The following ZBTB20 variants were observed in gnomAD, a reference collection of about 807,000 sequenced individuals.
ZBTB20 encodes zinc finger and BTB domain-containing protein 20.
In ZBTB20, 9 loss-of-function variants were observed where a neutral mutation model predicts 56.9. That is an observed-to-expected ratio of 0.16 (90% CI 0.10 to 0.28). The LOEUF is 0.28. Among genes scored for constraint, ZBTB20 ranks in the 10% least tolerant of loss-of-function variants. The probability of loss-of-function intolerance (pLI) is 1.00; values close to 1 mark genes in which losing one functional copy is unlikely to be tolerated. For missense variants in ZBTB20, 655 were observed against 1,003.0 expected (o/e 0.65, Z 4.69); for synonymous variants, 417 against 420.7 (o/e 0.99, Z 0.11).
At position 114,766,676 on chromosome 3, in the gene ZBTB20, G is replaced by C. The variant is rs142772818; in HGVS notation, c.-343+34425C>G. On this transcript the variant is annotated intron_variant, in intron 5 of 11. Transcript: ENST00000675478. ...TGAAGTTTGTTTGCTCTGTTAAATA[G>C]CTTTAAAATTCTACCCCTACTAATT... 6.6e-3 allele frequency among the ~76,000 whole-genome samples: 1,007 copies of C among 152,000 alleles called. 3 individuals are homozygous for C. The highest frequency in any genetic ancestry group is 0.015 in the South Asian group (72 of 4,810).
At chr3:115,141,850 A>G (rs1339933612) in intron 1 of ZBTB20, among the ~76,000 whole-genome samples, 1 of 152,192 alleles carries the variant, frequency 6.6e-6, no homozygotes, top group African/African-American at 2.4e-5. Flanking sequence ...AAATATGAAT[A>G]TTAATAAACT....
At chr3:114,509,215 C>A (rs1370639502) in intron 6 of ZBTB20, among the ~76,000 whole-genome samples, 2 of 152,214 alleles carry the variant, frequency 1.3e-5, no homozygotes, top group South Asian at 4.1e-4. Context: ...GAAACAAATG[C>A]GGCTGAGACT....
intron 7 of ZBTB20, among the ~76,000 whole-genome samples, chr3:114,429,481 AT>A (rs2089959950): frequency 6.6e-6 from 1 of 152,172 alleles, no homozygotes; most frequent in Admixed American, 6.5e-5. Context: ...CCTAAATTCA[AT>A]GCCCTAACTC....
intron 5 of ZBTB20, among the ~76,000 whole-genome samples, chr3:114,735,762 A>G (rs916454476): frequency 6.6e-6 from 1 of 152,130 alleles, no homozygotes; most frequent in African/African-American, 2.4e-5. Flanking sequence ...TTTATTTTTC[A>G]ATCAAAATAT....
intron 6 of ZBTB20, among the ~76,000 whole-genome samples, chr3:114,689,197 C>A (rs2062547220): frequency 6.6e-6 from 1 of 152,126 alleles, no homozygotes; most frequent in Non-Finnish European, 1.5e-5. Context: ...ACGGTAATGT[C>A]ATAAATCCCA....
intron 1 of ZBTB20, among the ~76,000 whole-genome samples, chr3:115,090,582 G>A (rs1288587139): frequency 6.6e-6 from 1 of 151,704 alleles, no homozygotes; most frequent in Non-Finnish European, 1.5e-5. Flanking sequence ...TATCACCTAG[G>A]AAACACCATG....
At chr3:114,694,723 C>T (rs941515741) in intron 5 of ZBTB20, among the ~76,000 whole-genome samples, 2 of 152,066 alleles carry the variant, frequency 1.3e-5, no homozygotes, top group East Asian at 3.9e-4. Flanking sequence ...GCATATGAAA[C>T]TTAATGAGGA....
chr3:114,723,382 G>A (rs1057176259), intron 5 of ZBTB20, among the ~76,000 whole-genome samples: 2 of 152,154 alleles, frequency 1.3e-5, no homozygotes, highest in Non-Finnish European at 1.5e-5. Flanking sequence ...GATGGCCCAA[G>A]CGACAGCTTT....
chr3:114,520,193 T>TC (rs771865937), intron 6 of ZBTB20: 4 of 152,276 alleles, frequency 2.6e-5, no homozygotes, highest in Non-Finnish European at 5.9e-5. Flanking sequence ...GACTTCTCTC[T>TC]CACTGTTTAA....
intron 10 of ZBTB20, among the ~76,000 whole-genome samples, chr3:114,374,472 T>C (rs916520391): frequency 2.0e-5 from 3 of 152,208 alleles, no homozygotes; most frequent in Admixed American, 2.0e-4. Flanking sequence ...CTCTGCAAAT[T>C]AGTGTGACCC....
intron 7 of ZBTB20, among the ~76,000 whole-genome samples, chr3:114,449,271 T>TG (rs1210627038): frequency 1.3e-5 from 2 of 152,194 alleles, no homozygotes; most frequent in African/African-American, 4.8e-5. Context: ...AGTTCAGTTC[T>TG]GTGTCAAGGA....
At chr3:114,456,470 C>A (rs565549004) in intron 7 of ZBTB20, among the ~76,000 whole-genome samples, 1 of 152,062 alleles carries the variant, frequency 6.6e-6, no homozygotes, top group African/African-American at 2.4e-5. Context: ...TCATACACCT[C>A]GTTTCTAAAA....
At chr3:115,135,666 T>A (rs1466217468) in intron 1 of ZBTB20, among the ~76,000 whole-genome samples, 1 of 152,182 alleles carries the variant, frequency 6.6e-6, no homozygotes, top group Non-Finnish European at 1.5e-5. Flanking sequence ...TGAAAAAGTA[T>A]GTCAGCTATT....
chr3:114,725,469 G>A (rs2065205519), intron 5 of ZBTB20, among the ~76,000 whole-genome samples: 1 of 152,130 alleles, frequency 6.6e-6, no homozygotes, highest in Non-Finnish European at 1.5e-5. Flanking sequence ...TCCTCTAAAT[G>A]CATTGTAGAA....
chr3:114,511,304 A>G (rs778461828), intron 6 of ZBTB20, among the ~76,000 whole-genome samples: 9 of 152,170 alleles, frequency 5.9e-5, no homozygotes, highest in Non-Finnish European at 1.2e-4. Flanking sequence ...CTTTCAAAAG[A>G]ATCATCATAT....
At chr3:114,490,297 C>T (rs1156555212) in intron 7 of ZBTB20, among the ~76,000 whole-genome samples, 1 of 152,064 alleles carries the variant, frequency 6.6e-6, no homozygotes, top group East Asian at 1.9e-4. Flanking sequence ...TCTCGGCTTG[C>T]TGCAATCCCT....
chr3:114,365,619 G>T (rs1576383041), intron 10 of ZBTB20, among the ~76,000 whole-genome samples: 2 of 152,190 alleles, frequency 1.3e-5, no homozygotes, highest in South Asian at 4.1e-4. Context: ...GAGGATGTGG[G>T]GTTGCAGAAA....
At chr3:114,476,221 C>T (rs2040748133) in intron 7 of ZBTB20, among the ~76,000 whole-genome samples, 1 of 152,142 alleles carries the variant, frequency 6.6e-6, no homozygotes, top group African/African-American at 2.4e-5. Context: ...CTTAACACAG[C>T]ACTCTAGAGT....
At chr3:114,594,354 C>T (rs184951647) in intron 6 of ZBTB20, among the ~76,000 whole-genome samples, 280 of 151,314 alleles carry the variant, frequency 1.9e-3, no homozygotes, top group African/African-American at 6.6e-3. Flanking sequence ...GCAACCTCCG[C>T]CGCCCGGGTT....
Sources: allele counts gnomAD v4.1 joint callset (sites outside exome capture counted in the v4.1 genomes callset), GRCh38; gene constraint gnomAD v4.1.1; transcripts MANE v1.5; gene names NCBI Gene and HGNC (gene_info 2026-07-23, HGNC 2026-07-21).